Variants in SLC25A21 observed in about 807,000 individuals in gnomAD.
SLC25A21 encodes mitochondrial 2-oxodicarboxylate carrier.
SLC25A21 carries 47 observed loss-of-function variants against 43.8 expected under a neutral mutation model. That is an observed-to-expected ratio of 1.07 (90% CI 0.85 to 1.37). SLC25A21 has a LOEUF of 1.37. Ranked by LOEUF, SLC25A21 falls within the 40% of genes most tolerant of loss-of-function variation. The pLI, the probability that SLC25A21 is intolerant of heterozygous loss-of-function variation, is 0.00. For synonymous variants in SLC25A21, 131 were observed against 121.3 expected, an observed-to-expected ratio of 1.08 and a Z score of -0.52; for missense variants, 352 against 350.2, an observed-to-expected ratio of 1.00 and a Z score of -0.04.
chr14:37,023,945 T>C (rs978197637), intron 1 of SLC25A21, among the ~76,000 whole-genome samples: 42 of 152,210 alleles, frequency 2.8e-4, no homozygotes, highest in African/African-American at 9.1e-4. Context: ...CGCAGCATAG[T>C]ATTTAACATA....
chr14:36,874,909 T>A, intron 2 of SLC25A21, 47 bp downstream of exon 2: 2 of 1,535,844 alleles, frequency 1.3e-6, no homozygotes, highest in South Asian at 2.3e-5. Context: ...AGATCTTAAT[T>A]TGGATATTAG....
chr14:36,995,784 C>T (rs900259713), intron 1 of SLC25A21, among the ~76,000 whole-genome samples: 14 of 152,112 alleles, frequency 9.2e-5, no homozygotes, highest in African/African-American at 2.9e-4. Flanking sequence ...TCAAGACTTA[C>T]GTTAAAATCA....
chr14:37,113,340 T>A (rs1475663732), intron 1 of SLC25A21, among the ~76,000 whole-genome samples: 1 of 152,188 alleles, frequency 6.6e-6, no homozygotes, highest in Admixed American at 6.5e-5. Flanking sequence ...ATTTCTAGCC[T>A]CTTCACTCTT....
At chr14:36,733,861 G>C (rs1884928021) in intron 4 of SLC25A21, among the ~76,000 whole-genome samples, 1 of 152,140 alleles carries the variant, frequency 6.6e-6, no homozygotes. Flanking sequence ...TGGACATTCT[G>C]CTGGATCTCC....
chr14:37,079,523 C>A (rs1566865773), intron 1 of SLC25A21, among the ~76,000 whole-genome samples: 1 of 152,226 alleles, frequency 6.6e-6, no homozygotes, highest in Non-Finnish European at 1.5e-5. Flanking sequence ...CTCCACACAA[C>A]CCTTGGAGTT....
intron 3 of SLC25A21, among the ~76,000 whole-genome samples, chr14:36,757,761 T>C (rs752593919): frequency 3.9e-5 from 6 of 152,264 alleles, no homozygotes; most frequent in Non-Finnish European, 8.8e-5. Context: ...GTGTTCATTC[T>C]GTTTACCTTT....
At chr14:36,953,098 G>A (rs895935316) in intron 1 of SLC25A21, among the ~76,000 whole-genome samples, 4 of 152,066 alleles carry the variant, frequency 2.6e-5, no homozygotes, top group African/African-American at 9.7e-5. Context: ...CACTGCTTTT[G>A]GTTATCAAGG....
chr14:36,691,215 C>T (rs1033591232), intron 7 of SLC25A21, among the ~76,000 whole-genome samples: 1 of 152,198 alleles, frequency 6.6e-6, no homozygotes, highest in Admixed American at 6.5e-5. Context: ...GCACTTGCCT[C>T]TCAGGGCTGC....
At chr14:37,108,189 A>G (rs1293537041) in intron 1 of SLC25A21, among the ~76,000 whole-genome samples, 9 of 152,222 alleles carry the variant, frequency 5.9e-5, no homozygotes, top group Admixed American at 5.2e-4. Context: ...TTCAAGTGTT[A>G]TACATGTCAG....
intron 6 of SLC25A21, among the ~76,000 whole-genome samples, chr14:36,711,956 TG>T (rs1162924468): frequency 7.9e-5 from 12 of 152,246 alleles, no homozygotes; most frequent in African/African-American, 2.7e-4. Flanking sequence ...ATTGCCTCAA[TG>T]GTTGAACCTG....
Position 37,147,639 on chromosome 14 carries a change from T to TG in SLC25A21, c.70+24641_70+24642insC, listed in dbSNP as rs1963688917. Among the ~76,000 whole-genome samples, 15 of 130,522 alleles carry TG rather than the reference T, an allele frequency of 1.1e-4. No homozygotes were observed. The South Asian group carries it at 2.9e-3, about 26-fold the overall frequency. The allele number at this position is 130,522 out of a possible 152,430, so 85.6% of individuals were successfully genotyped here. On this transcript the variant is annotated intron_variant, in intron 1 of 9. Transcript: ENST00000331299. The stretch of plus-strand genomic sequence containing the variant: ...GTATTTCACACTTATTTCAGGTTTT[T>TG]TTTTTTTTTTAAAAAAAAGGAAGAA...
intron 1 of SLC25A21, among the ~76,000 whole-genome samples, chr14:37,162,153 A>G (rs1287839842): frequency 1.3e-5 from 2 of 152,230 alleles, no homozygotes; most frequent in East Asian, 3.9e-4. Flanking sequence ...CTGTCTCCAG[A>G]AGGAGCCAAC....
chr14:36,781,868 T>C (rs1887076148), intron 3 of SLC25A21, among the ~76,000 whole-genome samples: 1 of 152,222 alleles, frequency 6.6e-6, no homozygotes, highest in African/African-American at 2.4e-5. Flanking sequence ...TGTTACTAAT[T>C]AACATCCTTT....
chr14:37,100,858 G>A (rs1471461277), intron 1 of SLC25A21, among the ~76,000 whole-genome samples: 1 of 152,168 alleles, frequency 6.6e-6, no homozygotes, highest in Non-Finnish European at 1.5e-5. Flanking sequence ...TGATTGGGGG[G>A]TTGTAGAACA....
intron 4 of SLC25A21, among the ~76,000 whole-genome samples, chr14:36,734,034 CA>C (rs978918694): frequency 2.7e-5 from 4 of 146,120 alleles, no homozygotes; most frequent in Admixed American, 1.5e-4. Flanking sequence ...GTTGGCATTC[CA>C]AAAAATTATG....
At chr14:37,060,406 A>C (rs896619935) in intron 1 of SLC25A21, among the ~76,000 whole-genome samples, 2 of 147,598 alleles carry the variant, frequency 1.4e-5, no homozygotes, top group South Asian at 4.2e-4. Context: ...AATAATAATA[A>C]TAATAATAAT....
At chr14:36,761,257 C>T (rs1457538169) in intron 3 of SLC25A21, among the ~76,000 whole-genome samples, 2 of 152,214 alleles carry the variant, frequency 1.3e-5, no homozygotes, top group South Asian at 2.1e-4. Context: ...CTACTCTCCC[C>T]GTCTGCCTTT....
intron 1 of SLC25A21, among the ~76,000 whole-genome samples, chr14:37,086,694 A>C (rs74045478): frequency 0.18 from 27,291 of 152,088 alleles, 5,895 homozygotes; most frequent in African/African-American, 0.51. Flanking sequence ...TGCGGATAAT[A>C]ATAGTACCCA....
At chr14:36,960,277 G>C (rs1034346187) in intron 1 of SLC25A21, among the ~76,000 whole-genome samples, 7 of 151,890 alleles carry the variant, frequency 4.6e-5, no homozygotes, top group Non-Finnish European at 1.0e-4. Flanking sequence ...ACATAGACAT[G>C]TGTTTGTGAC....
Sources: allele counts gnomAD v4.1 joint callset (sites outside exome capture counted in the v4.1 genomes callset), GRCh38; gene constraint gnomAD v4.1.1; transcripts MANE v1.5; gene names NCBI Gene and HGNC (gene_info 2026-07-23, HGNC 2026-07-21).